The following JAK2 variants were observed in gnomAD, a reference collection of about 807,000 sequenced individuals.
The protein encoded by JAK2 is tyrosine-protein kinase JAK2.
Under a neutral mutation model 139.3 loss-of-function variants are expected in JAK2, and 86 were observed. The ratio of observed to expected loss-of-function variants is 0.62; its 90% CI spans 0.52 to 0.74. The LOEUF (loss-of-function observed/expected upper bound fraction) is 0.74, where lower values mean the gene tolerates loss of function less well. Ranked by LOEUF, JAK2 falls within the 30% of genes least tolerant of loss-of-function variation. JAK2 has a pLI of 0.00. For synonymous variants in JAK2, 490 were observed against 437.7 expected, an observed-to-expected ratio of 1.12 and a Z score of -1.49; for missense variants, 1,421 against 1,360.3, an observed-to-expected ratio of 1.04 and a Z score of -0.70.
At chr9:5,060,784 T>TG (rs1818114845) in intron 8 of JAK2, among the ~76,000 whole-genome samples, 1 of 152,250 alleles carries the variant, frequency 6.6e-6, no homozygotes, top group Non-Finnish European at 1.5e-5. Flanking sequence ...GCATCAAGAA[T>TG]GGTGAATCCT....
At chr9:5,021,907 A>G in intron 2 of JAK2, 56 bp from the exon 3 acceptor site, 1 of 1,012,132 alleles carries the variant, frequency 9.9e-7, no homozygotes, top group African/African-American at 1.6e-5. Flanking sequence ...TGCTAGGATT[A>G]CAGGTGTGAG....
At chr9:5,033,200 G>A (rs1344041641) in intron 4 of JAK2, among the ~76,000 whole-genome samples, 3 of 152,048 alleles carry the variant, frequency 2.0e-5, no homozygotes, top group Non-Finnish European at 2.9e-5. Flanking sequence ...TAGAGAAAAA[G>A]GAATAAAAGG....
chr9:5,037,219 G>T (rs2130242509), intron 4 of JAK2, among the ~76,000 whole-genome samples: 1 of 152,258 alleles, frequency 6.6e-6, no homozygotes, highest in East Asian at 1.9e-4. Context: ...AGGTGCTGGA[G>T]AGGATGTGGA....
intron 22 of JAK2, chr9:5,096,574 A>G (rs1235535404): frequency 6.6e-6 from 1 of 152,200 alleles, no homozygotes; most frequent in Non-Finnish European, 1.5e-5. Context: ...AACATAAAAA[A>G]TTACCTCAGG....
At chr9:5,093,786 ATGTTGGATCAGGACATCC>A (rs1033320109) in intron 22 of JAK2, among the ~76,000 whole-genome samples, 8 of 152,122 alleles carry the variant, frequency 5.3e-5, no homozygotes, top group African/African-American at 1.7e-4. Flanking sequence ...TACGACCTCG[ATGTTGGATCAGGACATCC>A]TAATGGTGTA....
intron 22 of JAK2, chr9:5,109,903 T>A (rs145378649): frequency 6.6e-6 from 1 of 152,218 alleles, no homozygotes; most frequent in Non-Finnish European, 1.5e-5. Flanking sequence ...TGAGAAGGTA[T>A]AGGAATCATG....
chr9:5,054,671 C>T lies in JAK2; in HGVS notation c.723C>T (p.Ser241=), dbSNP rs1162693359. The T allele has an allele frequency of 1.2e-6, 2 of 1,613,096 alleles. No homozygotes were observed. The highest frequency in any genetic ancestry group is 1.7e-6 in the Non-Finnish European group (2 of 1,179,352). The part of the protein sequence containing the change: ...YRFRRFIQQF[S]QCKATARNLK... ...TTCGCAGATTTATTCAGCAATTCAGCCAATGCAAAGCCACTGCCAGAAACT... is the reference window on the plus strand; with the variant it reads ...TTCGCAGATTTATTCAGCAATTCAGTCAATGCAAAGCCACTGCCAGAAACT... The change falls in exon 7 of 25, where the codon AGC becomes AGT. Residue 241 remains serine, a synonymous_variant. Coordinates refer to ENST00000381652, the MANE Select transcript of JAK2 (RefSeq NM_004972.4). The surrounding 1 kb of genome is among the most constrained non-coding windows in gnomAD (Gnocchi z 4.9).
intron 2 of JAK2, among the ~76,000 whole-genome samples, chr9:4,988,490 T>C (rs1820086653): frequency 6.6e-6 from 1 of 152,246 alleles, no homozygotes; most frequent in Non-Finnish European, 1.5e-5. Context: ...TTCAAACCTA[T>C]TTCTTTTGGC....
At chr9:5,085,344 AT>A in intron 19 of JAK2, 8 of 888,482 alleles carry the variant, frequency 9.0e-6, no homozygotes, top group African/African-American at 3.3e-5. Flanking sequence ...CTATTCCTAC[AT>A]TTTTTCCGTA....
chr9:4,997,047 G>T (rs1376152632), intron 2 of JAK2, among the ~76,000 whole-genome samples: 6 of 148,874 alleles, frequency 4.0e-5, no homozygotes, highest in Admixed American at 6.8e-5. Context: ...TCCTACCTCA[G>T]CCTCCTGAGT....
intron 22 of JAK2, among the ~76,000 whole-genome samples, chr9:5,122,065 T>C (rs549855618): frequency 5.9e-5 from 9 of 152,142 alleles, no homozygotes; most frequent in Non-Finnish European, 1.0e-4. Flanking sequence ...GCCAGTACTA[T>C]AGGAATTCAG....
intron 3 of JAK2, 147 bp downstream of exon 3, chr9:5,022,360 A>G (rs1355278955): frequency 2.9e-5 from 17 of 577,050 alleles, no homozygotes; most frequent in Non-Finnish European, 4.4e-5. Context: ...ATAGAAAATG[A>G]AAGTGTTACT....
chr9:5,090,780 T>C lies in JAK2; in HGVS notation c.2928T>C (p.Asp976=). ...YLGTKRYIHR[D]LATRNILVEN... Reference sequence around the variant, plus strand: ...GTACAAAAAGGTATATCCACAGGGATCTGGCAACGAGAAATATATTGGTGG... The same window carrying C: ...GTACAAAAAGGTATATCCACAGGGACCTGGCAACGAGAAATATATTGGTGG... Residue 976 remains aspartate, a synonymous_variant, in exon 22 of 25, where the codon GAT becomes GAC. Coordinates refer to ENST00000381652, the MANE Select transcript of JAK2 (RefSeq NM_004972.4). 1 of 1,613,034 alleles carries C rather than the reference T, an allele frequency of 6.2e-7. No individual in the cohort carries two copies. The highest frequency in any genetic ancestry group is 8.5e-7 in the Non-Finnish European group (1 of 1,179,620).
Position 5,080,515 on chromosome 9 carries a change from GT to G in JAK2, c.2284-17del. 6.4e-7 allele frequency: 1 copy of G among 1,571,548 alleles called. No individual in the cohort carries two copies. Among genetic ancestry groups the G allele is most frequent in the East Asian group, 2.2e-5 (1 of 44,460 alleles). ...GCATTACACAATTTATTCTCAGTTT[GT>G]GGTTCTTTAATTATAGAAGCTACAA... On this transcript the variant is annotated splice_polypyrimidine_tract_variant and intron_variant, in intron 17 of 24. Coordinates refer to ENST00000381652, the MANE Select transcript of JAK2 (RefSeq NM_004972.4).
At chr9:5,028,018 C>A (rs186777984) in intron 3 of JAK2, among the ~76,000 whole-genome samples, 1 of 152,300 alleles carries the variant, frequency 6.6e-6, no homozygotes, top group African/African-American at 2.4e-5. Context: ...CTCTCATGAA[C>A]TACAAATGTT....
chr9:5,051,426 C>T (rs2130383241), intron 6 of JAK2, among the ~76,000 whole-genome samples: 1 of 152,162 alleles, frequency 6.6e-6, no homozygotes, highest in Admixed American at 6.5e-5. Context: ...GCATTAGACT[C>T]ACGTGGGGGA....
At chr9:5,064,786 G>A (rs566836038) in intron 8 of JAK2, 97 bp from the exon 9 acceptor site, 2 of 885,346 alleles carry the variant, frequency 2.3e-6, no homozygotes, top group South Asian at 4.1e-5. Flanking sequence ...CAATTTAGAA[G>A]AAAATTGTAT....
chr9:5,032,482 TG>T (rs1402979887), intron 4 of JAK2, among the ~76,000 whole-genome samples: 1 of 152,202 alleles, frequency 6.6e-6, no homozygotes, highest in Middle Eastern at 3.2e-3. Context: ...GTAGCCTAAC[TG>T]GGAGGCACCC....
chr9:4,994,325 G>A (rs184990522), intron 2 of JAK2, among the ~76,000 whole-genome samples: 43 of 152,266 alleles, frequency 2.8e-4, no homozygotes, highest in African/African-American at 9.9e-4. Flanking sequence ...TACTAGAACT[G>A]TTTCCTAACC....
Sources: gnomAD v4.1 joint callset for allele counts (sites outside exome capture counted in the v4.1 genomes callset) on GRCh38, gnomAD v4.1.1 for gene constraint, Gnocchi (gnomAD v3.1) non-coding constraint, MANE v1.5 for transcripts, NCBI Gene and HGNC (gene_info 2026-07-23, HGNC 2026-07-21) for gene names.